SAMMSON: variants seen among roughly 807,000 people sequenced by gnomAD.
The protein encoded by SAMMSON is long intergenic non-protein coding RNA 1212.
At chr3:70,295,402 G>T (rs982105653) in intron 7 of SAMMSON, among the ~76,000 whole-genome samples, 1 of 152,024 alleles carries the variant, frequency 6.6e-6, no homozygotes, top group African/African-American at 2.4e-5. Flanking sequence ...ATTCCCAAAG[G>T]CTTACATACC....
At chr3:70,319,421 T>G (rs1411719820) in intron 7 of SAMMSON, among the ~76,000 whole-genome samples, 2 of 152,094 alleles carry the variant, frequency 1.3e-5, no homozygotes, top group African/African-American at 4.8e-5. Context: ...TTTATAACTA[T>G]GTATGAATAA....
chr3:70,077,119 A>G (rs914278643), intron 4 of SAMMSON, among the ~76,000 whole-genome samples: 4 of 152,128 alleles, frequency 2.6e-5, no homozygotes, highest in African/African-American at 9.7e-5. Flanking sequence ...AAAATTAGCC[A>G]CTGTTTTAGT....
In SAMMSON at chr3:70,286,621, T is replaced by C. The variant is rs1310696274; in HGVS notation, n.675-4558T>C. On this transcript the variant is annotated intron_variant and non_coding_transcript_variant, in intron 6 of 9. Coordinates refer to ENST00000642114, the Ensembl canonical transcript of SAMMSON. Reference sequence around the variant, plus strand: ...AAAGTCATTGGTAGCTTGATGGGGATGGCATTGAATCTGTAAATTACCTTG... The same window carrying C: ...AAAGTCATTGGTAGCTTGATGGGGACGGCATTGAATCTGTAAATTACCTTG... 3.9e-5 allele frequency among the ~76,000 whole-genome samples: 6 copies of C among 152,166 alleles called. No homozygotes were observed. In the South Asian group the frequency reaches 8.3e-4, roughly 21 times the overall value.
chr3:70,191,225 A>C (rs1420043812), intron 4 of SAMMSON, among the ~76,000 whole-genome samples: 2 of 152,238 alleles, frequency 1.3e-5, no homozygotes, highest in Non-Finnish European at 2.9e-5. Flanking sequence ...GGCTTTGTAA[A>C]TTCATTCTAA....
intron 7 of SAMMSON, among the ~76,000 whole-genome samples, chr3:70,323,965 T>C (rs117784229): frequency 6.6e-6 from 1 of 152,214 alleles, no homozygotes; most frequent in East Asian, 1.9e-4. Context: ...GGGTTCTACC[T>C]CAGGCTCATG....
chr3:70,400,309 T>C (rs1173797581), intron 2 of SAMMSON, among the ~76,000 whole-genome samples: 3 of 152,164 alleles, frequency 2.0e-5, no homozygotes, highest in Non-Finnish European at 2.9e-5. Flanking sequence ...GTTTGGGTCA[T>C]GCAGGTGGAT....
At chr3:70,209,892 CCTT>C (rs1323290638) in intron 4 of SAMMSON, among the ~76,000 whole-genome samples, 1 of 152,036 alleles carries the variant, frequency 6.6e-6, no homozygotes, top group East Asian at 1.9e-4. Context: ...CTCAGGGAAT[CCTT>C]CTTGTTCCAT....
chr3:70,190,385 A>G (rs1701122226), intron 4 of SAMMSON, among the ~76,000 whole-genome samples: 1 of 151,936 alleles, frequency 6.6e-6, no homozygotes, highest in Non-Finnish European at 1.5e-5. Context: ...CACCACTTTA[A>G]TCATGTAATC....
intron 4 of SAMMSON, among the ~76,000 whole-genome samples, chr3:70,138,068 G>A (rs191019023): frequency 2.0e-5 from 3 of 152,114 alleles, no homozygotes; most frequent in Admixed American, 6.6e-5. Flanking sequence ...AATAAAAGAC[G>A]TGCACTATTA....
At chr3:70,130,947 C>T (rs982865318) in intron 4 of SAMMSON, among the ~76,000 whole-genome samples, 11 of 152,168 alleles carry the variant, frequency 7.2e-5, no homozygotes, top group African/African-American at 2.2e-4. Flanking sequence ...TGTTTTATGC[C>T]ACTAGGTTTT....
chr3:70,099,765 G>A (rs1243754205), intron 4 of SAMMSON, among the ~76,000 whole-genome samples: 2 of 152,054 alleles, frequency 1.3e-5, no homozygotes, highest in African/African-American at 2.4e-5. Context: ...TCTTGCTCAC[G>A]TGGTCCCCTC....
At chr3:70,275,881 G>T (rs1027576215) in intron 6 of SAMMSON, among the ~76,000 whole-genome samples, 1 of 151,968 alleles carries the variant, frequency 6.6e-6, no homozygotes, top group Non-Finnish European at 1.5e-5. Context: ...GTTTAATTAG[G>T]CAATAATTAC....
chr3:70,010,875 G>A lies in SAMMSON; in HGVS notation n.23-1482G>A, dbSNP rs940432656. On this transcript the variant is annotated intron_variant and non_coding_transcript_variant, in intron 1 of 9. Coordinates refer to ENST00000642114, the Ensembl canonical transcript of SAMMSON. Reference sequence around the variant, plus strand: ...AGTGCAAACAGGGGAAATGCCAGACGCTTATAAAACCATAAGATCTCGTGA... The same window carrying A: ...AGTGCAAACAGGGGAAATGCCAGACACTTATAAAACCATAAGATCTCGTGA... 3.3e-5 allele frequency among the ~76,000 whole-genome samples: 5 copies of A among 152,046 alleles called. No homozygotes were observed. The East Asian group carries it at 5.8e-4, about 18-fold the overall frequency.
chr3:70,126,645 A>T (rs2067460135), intron 4 of SAMMSON: 1 of 333,888 alleles, frequency 3.0e-6, no homozygotes, highest in Admixed American at 4.3e-5. Context: ...GACATGTGGG[A>T]CTCACTGTCA....
At chr3:70,297,947 A>G (rs539501393) in intron 7 of SAMMSON, among the ~76,000 whole-genome samples, 8 of 152,196 alleles carry the variant, frequency 5.3e-5, no homozygotes, top group Non-Finnish European at 1.2e-4. Context: ...GTGGTCTCTT[A>G]CTCTTTGCTA....
intron 3 of SAMMSON, among the ~76,000 whole-genome samples, chr3:70,039,901 G>T (rs1489189898): frequency 6.6e-6 from 1 of 152,070 alleles, no homozygotes; most frequent in Non-Finnish European, 1.5e-5. Flanking sequence ...GGAATAAACA[G>T]CATGGAATTA....
At chr3:70,230,753 C>A (rs117136186) in intron 4 of SAMMSON, among the ~76,000 whole-genome samples, 1 of 152,186 alleles carries the variant, frequency 6.6e-6, no homozygotes, top group Non-Finnish European at 1.5e-5. Flanking sequence ...TGCCTTCACC[C>A]TCCTTGAGTT....
At chr3:70,413,588 C>A (rs576902415) in intron 2 of SAMMSON, among the ~76,000 whole-genome samples, 5 of 152,152 alleles carry the variant, frequency 3.3e-5, no homozygotes, top group African/African-American at 1.2e-4. Context: ...GGAATTCCCC[C>A]AAGAGGGCAC....
intron 3 of SAMMSON, chr3:70,014,458 A>T (rs552998679): frequency 8.5e-5 from 13 of 152,346 alleles, no homozygotes; most frequent in African/African-American, 2.4e-4. Flanking sequence ...TCCTCAAGAC[A>T]TACGTTTATT....
Sources: gnomAD v4.1 joint callset for allele counts (sites outside exome capture counted in the v4.1 genomes callset) on GRCh38, gnomAD v4.1.1 for gene constraint, MANE v1.5 for transcripts, NCBI Gene and HGNC (gene_info 2026-07-23, HGNC 2026-07-21) for gene names.